Variants in TRABD2B observed in about 807,000 individuals in gnomAD.
TRABD2B encodes metalloprotease TIKI2.
In TRABD2B, 14 loss-of-function variants were observed where a neutral mutation model predicts 40.1. The ratio of observed to expected loss-of-function variants is 0.35; its 90% CI spans 0.23 to 0.55. The LOEUF is 0.55. Ranked by LOEUF, TRABD2B falls within the 20% of genes least tolerant of loss-of-function variation. The pLI is 0.90. For missense variants in TRABD2B, 541 were observed against 648.6 expected, an observed-to-expected ratio of 0.83 and a Z score of 1.80; for synonymous variants, 263 against 277.0, an observed-to-expected ratio of 0.95 and a Z score of 0.50.
chr1:47,996,972 T>C lies in TRABD2B; in HGVS notation c.-183A>G. On this transcript the variant is annotated 5_prime_UTR_variant, in exon 1 of 7. Transcript: ENST00000606738. This position sits in a 1 kb window ranked among gnomAD's most constrained non-coding sequence, Gnocchi z 4.6. Reference sequence around the variant, plus strand: ...CCTGGGGGTTTCTCTGGGGCCGGGCTCCGTCTGTTGGAAGAGGGAGACCCT... The same window carrying C: ...CCTGGGGGTTTCTCTGGGGCCGGGCCCCGTCTGTTGGAAGAGGGAGACCCT... The C allele has an allele frequency of 1.8e-6, 2 of 1,103,150 alleles. No homozygotes were observed. The highest frequency in any genetic ancestry group is 9.0e-5 in the South Asian group (2 of 22,282). The allele number at this position is 1,103,150 out of a possible 1,614,324, so 68.3% of individuals were successfully genotyped here. A position where few individuals can be genotyped will look rare whatever the true frequency, so the allele number is the denominator to read the frequency against.
At chr1:47,882,642 C>T (rs776037428) in intron 2 of TRABD2B, among the ~76,000 whole-genome samples, 4 of 152,134 alleles carry the variant, frequency 2.6e-5, no homozygotes, top group African/African-American at 9.7e-5. Context: ...AAGCAGAATG[C>T]CCACCATAGC....
At position 47,870,557 on chromosome 1, in the gene TRABD2B, C is replaced by T. The variant is rs75482300; in HGVS notation, c.667-68938G>A. ...TCACCATGCATCAGGATTACTCATGCGCACGTCCCCTCCTGTTTTCCAGCA... is the reference window on the plus strand; with the variant it reads ...TCACCATGCATCAGGATTACTCATGTGCACGTCCCCTCCTGTTTTCCAGCA... On this transcript the variant is annotated intron_variant, in intron 2 of 6. Coordinates refer to ENST00000606738, the MANE Select transcript of TRABD2B (RefSeq NM_001194986.2). Among the ~76,000 whole-genome samples the T allele has an allele frequency of 1.5e-3, 235 of 152,292 alleles. 5 individuals are homozygous for T. In the East Asian group the frequency reaches 0.033, roughly 21 times the overall value.
intron 2 of TRABD2B, among the ~76,000 whole-genome samples, chr1:47,947,794 C>T (rs1645280736): frequency 6.6e-6 from 1 of 152,198 alleles, no homozygotes; most frequent in South Asian, 2.1e-4. Flanking sequence ...TGCCTTCCAA[C>T]ACATTATCTC....
At chr1:47,927,021 T>C (rs1644979332) in intron 2 of TRABD2B, among the ~76,000 whole-genome samples, 1 of 152,232 alleles carries the variant, frequency 6.6e-6, no homozygotes, top group Non-Finnish European at 1.5e-5. Context: ...TGCTGGATTG[T>C]ATGACGCAGG....
intron 2 of TRABD2B, among the ~76,000 whole-genome samples, chr1:47,811,198 C>A (rs1237454999): frequency 6.6e-6 from 1 of 152,074 alleles, no homozygotes; most frequent in Admixed American, 6.5e-5. Flanking sequence ...TCTAGGGAGG[C>A]AGGGGTGAAG....
intron 2 of TRABD2B, among the ~76,000 whole-genome samples, chr1:47,884,423 G>A (rs1437880879): frequency 6.6e-6 from 1 of 152,070 alleles, no homozygotes; most frequent in Non-Finnish European, 1.5e-5. Context: ...TAAGAGTTTT[G>A]GGGTTGCTTG....
At chr1:47,880,668 G>A (rs887963293) in intron 2 of TRABD2B, among the ~76,000 whole-genome samples, 16 of 152,242 alleles carry the variant, frequency 1.1e-4, no homozygotes, top group Admixed American at 5.2e-4. Context: ...CTGCCCCTCC[G>A]TGTTCTAGGT....
intron 2 of TRABD2B, among the ~76,000 whole-genome samples, chr1:47,825,132 G>A (rs1402949702): frequency 6.6e-6 from 1 of 152,176 alleles, no homozygotes; most frequent in Non-Finnish European, 1.5e-5. Flanking sequence ...AACATGAGCA[G>A]GAATAAAGGC....
chr1:47,801,921 C>T (rs1279575028), intron 2 of TRABD2B, among the ~76,000 whole-genome samples: 3 of 152,166 alleles, frequency 2.0e-5, no homozygotes, highest in African/African-American at 4.8e-5. Flanking sequence ...GTCTGGGTTT[C>T]GGAATGATGG....
intron 2 of TRABD2B, among the ~76,000 whole-genome samples, chr1:47,863,516 C>T (rs1164649254): frequency 6.6e-6 from 1 of 151,558 alleles, no homozygotes; most frequent in Non-Finnish European, 1.5e-5. Flanking sequence ...GCTCCACATC[C>T]TATGTCATCA....
chr1:47,872,327 G>A (rs1392369548), intron 2 of TRABD2B, among the ~76,000 whole-genome samples: 2 of 152,176 alleles, frequency 1.3e-5, no homozygotes, highest in African/African-American at 2.4e-5. Context: ...ACCTTGAGCA[G>A]GCTGCTTGTA....
chr1:47,885,550 G>A (rs1214693119), intron 2 of TRABD2B, among the ~76,000 whole-genome samples: 2 of 152,182 alleles, frequency 1.3e-5, no homozygotes, highest in Non-Finnish European at 2.9e-5. Flanking sequence ...TCTGTTGGTG[G>A]CAGGGGACCG....
intron 3 of TRABD2B, among the ~76,000 whole-genome samples, 159 bp from the exon 4 acceptor site, chr1:47,794,919 C>A (rs1240581103): frequency 1.3e-5 from 2 of 151,524 alleles, no homozygotes; most frequent in African/African-American, 4.9e-5. Context: ...TAGGTATGAA[C>A]CACCATGACT....
chr1:47,932,489 G>A (rs1313804190), intron 2 of TRABD2B, among the ~76,000 whole-genome samples: 2 of 152,162 alleles, frequency 1.3e-5, no homozygotes, highest in African/African-American at 2.4e-5. Flanking sequence ...GCTGAGGAGG[G>A]ATGTGGAGTC....
intron 2 of TRABD2B, 77 bp downstream of exon 2, chr1:47,993,957 G>A (rs944666466): frequency 2.1e-5 from 29 of 1,401,454 alleles, no homozygotes; most frequent in Middle Eastern, 2.0e-4. Context: ...CCTCCCCCTC[G>A]GAGAAGAAAG....
chr1:47,866,116 G>C (rs1222917492), intron 2 of TRABD2B, among the ~76,000 whole-genome samples: 7 of 151,980 alleles, frequency 4.6e-5, no homozygotes, highest in African/African-American at 1.7e-4. Flanking sequence ...CTGTGCGCAA[G>C]CAGGAAGGTG....
intron 6 of TRABD2B, among the ~76,000 whole-genome samples, chr1:47,768,083 T>C (rs964124593): frequency 3.3e-5 from 5 of 152,342 alleles, no homozygotes; most frequent in Middle Eastern, 3.4e-3. Context: ...GCTTGACGTA[T>C]GTCATTAAAG....
chr1:47,813,175 C>T lies in TRABD2B; in HGVS notation c.667-11556G>A, dbSNP rs1429693644. On this transcript the variant is annotated intron_variant, in intron 2 of 6. Coordinates refer to ENST00000606738, the MANE Select transcript of TRABD2B (RefSeq NM_001194986.2). The surrounding 1 kb of genome is among the most constrained non-coding windows in gnomAD (Gnocchi z 4.3). ...AAGTCTCCATTTTCATTTGCAAAAT[C>T]AGTATGAAATTCCTAGAGGGCCCCT... is the stretch of plus-strand genomic sequence containing the variant. Among the ~76,000 whole-genome samples, 1 of 152,212 alleles carries T rather than the reference C, an allele frequency of 6.6e-6. No homozygotes were observed. The highest frequency in any genetic ancestry group is 1.5e-5 in the Non-Finnish European group (1 of 68,044).
intron 2 of TRABD2B, among the ~76,000 whole-genome samples, chr1:47,924,991 C>G (rs564694134): frequency 4.6e-5 from 7 of 152,320 alleles, no homozygotes; most frequent in African/African-American, 1.4e-4. Flanking sequence ...GCTGTGACCC[C>G]CAATGGCTTT....
Sources: allele counts gnomAD v4.1 joint callset (sites outside exome capture counted in the v4.1 genomes callset), GRCh38; gene constraint gnomAD v4.1.1; non-coding constraint Gnocchi (gnomAD v3.1); transcripts MANE v1.5; gene names NCBI Gene and HGNC (gene_info 2026-07-23, HGNC 2026-07-21).